The following ERH variants were observed in gnomAD, a reference collection of about 807,000 sequenced individuals.
ERH encodes the protein ERH mRNA splicing and mitosis factor.
A neutral mutation model predicts 16.8 loss-of-function variants in ERH; 1 was observed. The observed-to-expected ratio is 0.06, with a 90% CI of 0.02 to 0.28. ERH has a LOEUF of 0.28. Ranked by LOEUF, ERH falls within the 10% of genes least tolerant of loss-of-function variation. The pLI, the probability that ERH is intolerant of heterozygous loss-of-function variation, is 1.00. For synonymous variants in ERH, 43 were observed against 43.6 expected, an observed-to-expected ratio of 0.99 and a Z score of 0.05; for missense variants, 42 against 127.5, an observed-to-expected ratio of 0.33 and a Z score of 3.23.
rs2045897143 is a variant in ERH, at chr14:69,387,019, A to G, written c.156T>C (p.Tyr52=). 3.1e-6 allele frequency: 5 copies of G among 1,613,522 alleles called. No homozygotes were observed. The highest frequency in any genetic ancestry group is 2.7e-5 in the African/African-American group (2 of 74,940). ...TGAAATCAAACAACTGACTGATGTC[A>G]TATGTGATAGAGGGACTGTTGGGAT... is the stretch of plus-strand genomic sequence containing the variant. ...RMNPNSPSIT[Y]DISQLFDFID... Residue 52 remains tyrosine (Y), a synonymous_variant, in exon 3 of 4, where the codon TAT becomes TAC. Coordinates refer to ENST00000557016, the MANE Select transcript of ERH (RefSeq NM_004450.3).
chr14:69,380,563 C>T lies in ERH; in HGVS notation c.290G>A (p.Arg97Gln), dbSNP rs776446419. Residue 97 changes from arginine (R) to glutamine (Q), a missense_variant, in exon 4 of 4, where the codon CGG becomes CAG. Coordinates refer to ENST00000557016, the MANE Select transcript of ERH (RefSeq NM_004450.3). The stretch of plus-strand genomic sequence containing the variant: ...TTATTTCCCAGCCTGTTGGGCCTGC[C>T]GACGAAGGAGCACGTAGATCTTCTC... ...IKEKIYVLLR[R>Q]QAQQAGK is the part of the protein sequence containing the mutation. 6.2e-7 allele frequency: 1 copy of T among 1,612,226 alleles called. No individual in the cohort carries two copies. The highest frequency in any genetic ancestry group is 8.5e-7 in the Non-Finnish European group (1 of 1,178,628).
At chr14:69,387,170 G>T in intron 2 of ERH, 87 bp from the exon 3 acceptor site, 2 of 1,053,512 alleles carry the variant, frequency 1.9e-6, no homozygotes, top group Non-Finnish European at 2.7e-6. Flanking sequence ...GCTATATGTT[G>T]ATATCATATT....
rs573840595 is a variant in ERH at position 69,398,256 on chromosome 14, A to G, written c.-23T>C. ...CATCGCGCCAAACTCTCTTCGCTAC[A>G]GCAGCTGCCGACACCGCCGCCGTTA... On this transcript the variant is annotated 5_prime_UTR_variant, in exon 1 of 4. Coordinates refer to ENST00000557016, the MANE Select transcript of ERH (RefSeq NM_004450.3). 1.9e-6 allele frequency: 3 copies of G among 1,613,608 alleles called. No homozygotes were observed. Among genetic ancestry groups the G allele is most frequent in the South Asian group, 1.1e-5 (1 of 91,036 alleles).
At chr14:69,390,365 C>T (rs900929355) in intron 2 of ERH, among the ~76,000 whole-genome samples, 1 of 152,200 alleles carries the variant, frequency 6.6e-6, no homozygotes, top group African/African-American at 2.4e-5. Context: ...GGATAGGTAT[C>T]TACATCAATG....
chr14:69,393,011 T>C (rs1433591524), intron 2 of ERH, among the ~76,000 whole-genome samples: 1 of 152,198 alleles, frequency 6.6e-6, no homozygotes, highest in Non-Finnish European at 1.5e-5. Context: ...AATGCCATGT[T>C]CTTCTTTAAG....
At chr14:69,388,283 A>G (rs577536108) in intron 2 of ERH, among the ~76,000 whole-genome samples, 5 of 152,238 alleles carry the variant, frequency 3.3e-5, no homozygotes, top group Non-Finnish European at 5.9e-5. Flanking sequence ...GAGCAAAATC[A>G]TTAATAGCAA....
chr14:69,383,640 T>C (rs1476457079), intron 3 of ERH, among the ~76,000 whole-genome samples: 1 of 152,204 alleles, frequency 6.6e-6, no homozygotes, highest in Non-Finnish European at 1.5e-5. Context: ...GTTACAGGTT[T>C]TCAAGCTATG....
rs57516317 is a variant in ERH at position 69,387,695 on chromosome 14, C to CAA, written c.92-614_92-613dup. ...AGTAATTCTTCCTAAAGCCACAGAGCAAAAAAAAAAAAAAAATTGGCAACA... is the reference window on the plus strand; with the variant it reads ...AGTAATTCTTCCTAAAGCCACAGAGCAAAAAAAAAAAAAAAAAATTGGCAACA... On this transcript the variant is annotated intron_variant, in intron 2 of 3. Transcript: ENST00000557016. 7.1e-5 allele frequency among the ~76,000 whole-genome samples: 8 copies of CAA among 113,378 alleles called. No individual in the cohort carries two copies. In the South Asian group the frequency reaches 8.7e-4, roughly 12 times the overall value. 74.4% of individuals were successfully genotyped at this position (113,378 alleles called of 152,430 possible). A position where few individuals can be genotyped will look rare whatever the true frequency, so the allele number is the denominator to read the frequency against.
intron 1 of ERH, chr14:69,397,981 C>T (rs998840655): frequency 1.3e-5 from 8 of 600,156 alleles, no homozygotes; most frequent in African/African-American, 1.3e-4. Flanking sequence ...GAGAGTTCAT[C>T]CTCAGGCCCA....
At chr14:69,388,373 T>C (rs888509846) in intron 2 of ERH, among the ~76,000 whole-genome samples, 5 of 152,106 alleles carry the variant, frequency 3.3e-5, no homozygotes, top group Non-Finnish European at 7.4e-5. Flanking sequence ...CTTTTTTTTT[T>C]CTTTGAGATG....
chr14:69,382,142 A>C (rs2045866942), intron 3 of ERH, among the ~76,000 whole-genome samples: 1 of 152,224 alleles, frequency 6.6e-6, no homozygotes. Flanking sequence ...AATTTTTGGC[A>C]AGGGAAATAA....
At chr14:69,380,784 C>A (rs1157486071) in intron 3 of ERH, 144 bp from the exon 4 acceptor site, 1 of 582,986 alleles carries the variant, frequency 1.7e-6, no homozygotes, top group Non-Finnish European at 3.1e-6. Context: ...GAGCTACTTA[C>A]ACAGTCGTTG....
chr14:69,388,686 C>G (rs1316091150), intron 2 of ERH, among the ~76,000 whole-genome samples: 2 of 152,162 alleles, frequency 1.3e-5, no homozygotes, highest in Non-Finnish European at 2.9e-5. Flanking sequence ...CTTATTCCCA[C>G]AAAAGGAGAA....
chr14:69,386,869 G>A, intron 3 of ERH, 94 bp downstream of exon 3: 1 of 1,161,382 alleles, frequency 8.6e-7, no homozygotes, highest in Non-Finnish European at 1.2e-6. Flanking sequence ...ATCAGTATCA[G>A]GCACATAATT....
intron 1 of ERH, 27 bp from the exon 2 acceptor site, chr14:69,394,939 TAA>T (rs1882299692): frequency 6.7e-7 from 1 of 1,489,538 alleles, no homozygotes; most frequent in South Asian, 1.2e-5. Context: ...GATTTCAATA[TAA>T]GTTTCTATTT....
intron 1 of ERH, among the ~76,000 whole-genome samples, chr14:69,396,205 TTC>T (rs1882330097): frequency 6.6e-6 from 1 of 152,252 alleles, no homozygotes; most frequent in Non-Finnish European, 1.5e-5. Flanking sequence ...ACTAGTATTT[TTC>T]AGCCAAAAAC....
rs1165440557 is a variant in ERH, at chr14:69,380,431, A to T, written c.*107T>A. The T allele has an allele frequency of 1.6e-6, 1 of 642,784 alleles. No homozygotes were observed. Among genetic ancestry groups the T allele is most frequent in the Non-Finnish European group, 2.9e-6 (1 of 349,352 alleles). 39.8% of individuals were successfully genotyped at this position (642,784 alleles called of 1,614,324 possible). A position where few individuals can be genotyped will look rare whatever the true frequency, so the allele number is the denominator to read the frequency against. ...TAATACAGTCAATCTTGGCTAGAGTATAACAAAGTGGAAACAGGATTACTA... is the reference window on the plus strand; with the variant it reads ...TAATACAGTCAATCTTGGCTAGAGTTTAACAAAGTGGAAACAGGATTACTA... On this transcript the variant is annotated 3_prime_UTR_variant, in exon 4 of 4. Coordinates refer to ENST00000557016, the MANE Select transcript of ERH (RefSeq NM_004450.3).
intron 2 of ERH, among the ~76,000 whole-genome samples, chr14:69,391,510 T>G (rs1000639166): frequency 1.3e-5 from 2 of 151,624 alleles, no homozygotes; most frequent in Non-Finnish European, 2.9e-5. Flanking sequence ...TAGCCAGGCA[T>G]GGTGGCGCAG....
chr14:69,382,789 C>CAAAAAAAAAAAAAA (rs1278831093), intron 3 of ERH, among the ~76,000 whole-genome samples: 11 of 103,166 alleles, frequency 1.1e-4, no homozygotes, highest in African/African-American at 3.3e-4. Context: ...ACTCTATCTC[C>CAAAAAAAAAAAAAA]AAAAGAAAAA....
Sources: gnomAD v4.1 joint callset for allele counts (sites outside exome capture counted in the v4.1 genomes callset) on GRCh38, gnomAD v4.1.1 for gene constraint, MANE v1.5 for transcripts, NCBI Gene and HGNC (gene_info 2026-07-23, HGNC 2026-07-21) for gene names.